Variants in ST8SIA4 observed in about 807,000 individuals in gnomAD.
ST8SIA4 encodes the protein ST8 alpha-N-acetyl-neuraminide alpha-2,8-sialyltransferase 4, also known as CMP-N-acetylneuraminate-poly-alpha-2,8-sialyltransferase.
In ST8SIA4, 15 loss-of-function variants were observed where a neutral mutation model predicts 33.9. The ratio of observed to expected loss-of-function variants is 0.44; its 90% CI spans 0.30 to 0.68. The LOEUF is 0.68. Among genes scored for constraint, ST8SIA4 ranks in the 30% least tolerant of loss-of-function variants. The pLI is 0.10. For missense variants in ST8SIA4, 321 were observed against 428.0 expected, an observed-to-expected ratio of 0.75 and a Z score of 2.21; for synonymous variants, 171 against 151.2, an observed-to-expected ratio of 1.13 and a Z score of -0.96.
rs1750721130 is a variant in ST8SIA4, at chr5:100,807,574, T to C, written c.*4273A>G. On this transcript the variant is annotated 3_prime_UTR_variant, in exon 5 of 5. Coordinates refer to ENST00000231461, the MANE Select transcript of ST8SIA4 (RefSeq NM_005668.6). The stretch of plus-strand genomic sequence containing the variant: ...GCTTGAAGCCTTTACTTTTCTTCTT[T>C]ATTATTAAGATTTGGACATACTAGA... 6.6e-6 allele frequency: 1 copy of C among 152,538 alleles called. No individual in the cohort carries two copies. Among genetic ancestry groups the C allele is most frequent in the South Asian group, 2.1e-4 (1 of 4,832 alleles). 9.4% of individuals were successfully genotyped at this position (152,538 alleles called of 1,614,324 possible).
intron 2 of ST8SIA4, among the ~76,000 whole-genome samples, chr5:100,891,374 C>T (rs906150612): frequency 1.3e-5 from 2 of 151,844 alleles, no homozygotes; most frequent in South Asian, 2.1e-4. Context: ...TTTCATTATG[C>T]CTACAAAAAA....
chr5:100,835,640 G>A (rs1253668601), intron 4 of ST8SIA4, among the ~76,000 whole-genome samples: 2 of 152,066 alleles, frequency 1.3e-5, no homozygotes, highest in African/African-American at 2.4e-5. Context: ...ATATAAAAAC[G>A]TCATTATAGA....
chr5:100,902,102 T>C (rs1441319390), intron 1 of ST8SIA4, among the ~76,000 whole-genome samples: 1 of 152,136 alleles, frequency 6.6e-6, no homozygotes, highest in African/African-American at 2.4e-5. Flanking sequence ...CTGGGTAAAC[T>C]TCAAAGACAC....
rs1752956330 is a variant in ST8SIA4 at position 100,902,997 on chromosome 5, C to T, written c.-42G>A. The T allele has an allele frequency of 1.4e-6, 2 of 1,439,208 alleles. No individual in the cohort carries two copies. Among genetic ancestry groups the T allele is most frequent in the Non-Finnish European group, 2.0e-6 (2 of 1,021,256 alleles). 89.2% of individuals were successfully genotyped at this position (1,439,208 alleles called of 1,614,324 possible). A position where few individuals can be genotyped will look rare whatever the true frequency, so the allele number is the denominator to read the frequency against. On this transcript the variant is annotated 5_prime_UTR_variant, in exon 1 of 5. In the 5' UTR this introduces an upstream ATG that the reference lacks. Coordinates refer to ENST00000231461, the MANE Select transcript of ST8SIA4 (RefSeq NM_005668.6). ...AGTCCTGGTTGCCCCAGCTCCCGCA[C>T]CTTCTCTTGATATAAAGGCTCCGTT...
At chr5:100,898,294 A>G (rs1752823500) in intron 1 of ST8SIA4, among the ~76,000 whole-genome samples, 2 of 152,192 alleles carry the variant, frequency 1.3e-5, no homozygotes. Context: ...CCCTGTCTCT[A>G]AAAACTAAAT....
chr5:100,886,229 G>C lies in ST8SIA4; in HGVS notation c.503+114C>G, dbSNP rs1752533469. ...ATGTTGCACAGAAAAGGATATCATA[G>C]ACAAATATTTGTTTGAGGTTTTAGT... On this transcript the variant is annotated intron_variant, in intron 3 of 4. Transcript: ENST00000231461. The C allele has an allele frequency of 1.6e-5, 23 of 1,480,358 alleles. 1 individual carries two copies. The highest frequency in any genetic ancestry group is 1.9e-5 in the Non-Finnish European group (21 of 1,120,916). 91.7% of individuals were successfully genotyped at this position (1,480,358 alleles called of 1,614,324 possible).
chr5:100,829,994 T>C (rs964563229), intron 4 of ST8SIA4, among the ~76,000 whole-genome samples: 4 of 152,228 alleles, frequency 2.6e-5, no homozygotes, highest in Non-Finnish European at 5.9e-5. Flanking sequence ...AAAGCATAAT[T>C]AAACAACATA....
Position 100,895,653 on chromosome 5 carries a change from C to T in ST8SIA4, c.245+1G>A. Reference sequence around the variant, plus strand: ...TATTATGCCTTAGTAAAGAAACTCACCTTATCTCTAGGACCAAAGAGGAAT... The same window carrying T: ...TATTATGCCTTAGTAAAGAAACTCATCTTATCTCTAGGACCAAAGAGGAAT... On this transcript the variant is annotated splice_donor_variant, in intron 2 of 4. Transcript: ENST00000231461. LOFTEE classifies it high-confidence loss of function. 1 of 1,607,392 alleles carries T rather than the reference C, an allele frequency of 6.2e-7. No individual in the cohort carries two copies. The highest frequency in any genetic ancestry group is 8.5e-7 in the Non-Finnish European group (1 of 1,176,988).
At chr5:100,863,169 G>T (rs1194462710) in intron 3 of ST8SIA4, among the ~76,000 whole-genome samples, 2 of 152,190 alleles carry the variant, frequency 1.3e-5, no homozygotes, top group Non-Finnish European at 2.9e-5. Flanking sequence ...GGAATATACA[G>T]AAGGTTGTGC....
At chr5:100,868,552 C>T (rs773281815) in intron 3 of ST8SIA4, among the ~76,000 whole-genome samples, 2 of 151,992 alleles carry the variant, frequency 1.3e-5, no homozygotes, top group Non-Finnish European at 2.9e-5. Context: ...ATGAACCTAA[C>T]CAAACATCTT....
chr5:100,903,013 A>T lies in ST8SIA4; in HGVS notation c.-58T>A. Reference sequence around the variant, plus strand: ...GCTCCCGCACCTTCTCTTGATATAAAGGCTCCGTTTTGGGGAGATAGTCGC... The same window carrying T: ...GCTCCCGCACCTTCTCTTGATATAATGGCTCCGTTTTGGGGAGATAGTCGC... On this transcript the variant is annotated 5_prime_UTR_variant, in exon 1 of 5. Transcript: ENST00000231461. 1.6e-6 allele frequency: 2 copies of T among 1,285,546 alleles called. No individual in the cohort carries two copies. Among genetic ancestry groups the T allele is most frequent in the Non-Finnish European group, 2.3e-6 (2 of 883,238 alleles). The allele number at this position is 1,285,546 out of a possible 1,614,324, so 79.6% of individuals were successfully genotyped here.
chr5:100,839,506 A>G (rs1214779333), intron 4 of ST8SIA4, among the ~76,000 whole-genome samples: 3 of 152,000 alleles, frequency 2.0e-5, no homozygotes, highest in Admixed American at 1.3e-4. Flanking sequence ...ACTTGGGTCC[A>G]AAGTTTGAAC....
chr5:100,853,632 G>T (rs961757822), intron 4 of ST8SIA4, among the ~76,000 whole-genome samples: 3 of 152,262 alleles, frequency 2.0e-5, no homozygotes, highest in African/African-American at 4.8e-5. Context: ...ATTTATAATG[G>T]TTATAAAAGT....
intron 3 of ST8SIA4, among the ~76,000 whole-genome samples, chr5:100,858,891 G>GA (rs1486466288): frequency 2.0e-4 from 31 of 152,158 alleles, no homozygotes; most frequent in Admixed American, 1.7e-3. Flanking sequence ...TAACAAGACA[G>GA]AAGACACTTC....
intron 4 of ST8SIA4, among the ~76,000 whole-genome samples, chr5:100,813,888 G>C (rs10057237): frequency 0.29 from 43,468 of 151,744 alleles, 6,520 homozygotes; most frequent in Non-Finnish European, 0.33. Context: ...AAAGAAAACA[G>C]TATTTCCATT....
intron 4 of ST8SIA4, among the ~76,000 whole-genome samples, chr5:100,813,289 A>T (rs1436488956): frequency 1.3e-5 from 2 of 152,040 alleles, no homozygotes; most frequent in African/African-American, 4.8e-5. Context: ...CACTGGAAAC[A>T]TCCAAAACAG....
At chr5:100,860,265 C>T (rs1317304089) in intron 3 of ST8SIA4, among the ~76,000 whole-genome samples, 1 of 152,078 alleles carries the variant, frequency 6.6e-6, no homozygotes, top group Non-Finnish European at 1.5e-5. Flanking sequence ...TGGCCAATCC[C>T]ACTGTGTTGC....
chr5:100,834,900 TC>T (rs886249855), intron 4 of ST8SIA4, among the ~76,000 whole-genome samples: 5 of 152,014 alleles, frequency 3.3e-5, no homozygotes, highest in Non-Finnish European at 5.9e-5. Flanking sequence ...ACCAATTAAA[TC>T]CCTTTTATTT....
intron 3 of ST8SIA4, among the ~76,000 whole-genome samples, chr5:100,874,843 C>T (rs555362164): frequency 6.6e-6 from 1 of 152,092 alleles, no homozygotes; most frequent in Non-Finnish European, 1.5e-5. Context: ...CTAGGCCTGA[C>T]AAAGTGCTGG....
Sources: allele counts gnomAD v4.1 joint callset (sites outside exome capture counted in the v4.1 genomes callset), GRCh38; gene constraint gnomAD v4.1.1; transcripts MANE v1.5; gene names NCBI Gene and HGNC (gene_info 2026-07-23, HGNC 2026-07-21).